Variants in CTNND2 observed in about 807,000 individuals in gnomAD.
CTNND2 encodes the protein catenin delta 2, also known as catenin delta-2.
In CTNND2, 22 loss-of-function variants were observed where a neutral mutation model predicts 144.4. That is an observed-to-expected ratio of 0.15 (90% CI 0.11 to 0.22). The LOEUF is 0.22. Ranked by LOEUF, CTNND2 falls within the 10% of genes least tolerant of loss-of-function variation. The probability of loss-of-function intolerance (pLI) is 1.00; values close to 1 mark genes in which losing one functional copy is unlikely to be tolerated. For synonymous variants in CTNND2, 751 were observed against 695.6 expected (o/e 1.08, Z -1.25); for missense variants, 1,353 against 1,618.8 (o/e 0.84, Z 2.82).
intron 9 of CTNND2, among the ~76,000 whole-genome samples, chr5:11,269,944 C>T (rs1321111783): frequency 1.3e-5 from 2 of 152,106 alleles, no homozygotes; most frequent in Non-Finnish European, 2.9e-5. Flanking sequence ...TATGTCAACC[C>T]TGGAAATATT....
chr5:11,387,583 C>A (rs1759219515), intron 6 of CTNND2, among the ~76,000 whole-genome samples: 1 of 152,128 alleles, frequency 6.6e-6, no homozygotes, highest in African/African-American at 2.4e-5. Flanking sequence ...ACACAGCTGG[C>A]AAGTGATGGA....
rs745810135 is a variant in CTNND2, at chr5:11,776,731, C to T, written c.38-44459G>A. 2.0e-5 allele frequency among the ~76,000 whole-genome samples: 3 copies of T among 151,860 alleles called. No individual in the cohort carries two copies. The South Asian group carries it at 6.3e-4, about 32-fold the overall frequency. On this transcript the variant is annotated intron_variant, in intron 1 of 21. Transcript: ENST00000304623. ...CGATGCTTTATCGCAGGTATACATC[C>T]CCAAGTTATTCATCTAGCAAATAAA...
In CTNND2 at chr5:11,397,328, T is replaced by A. The variant is rs1760239428; in HGVS notation, c.440-125A>T. On this transcript the variant is annotated intron_variant, in intron 5 of 21. Transcript: ENST00000304623. ...TGATTCCAGCCATCCATGCTTAAAA[T>A]TCTGAGAACTAAAATGACCATATAA... 6.8e-6 allele frequency: 5 copies of A among 732,958 alleles called. No homozygotes were observed. The East Asian group carries it at 1.2e-4, about 17-fold the overall frequency. The allele number at this position is 732,958 out of a possible 1,614,324, so 45.4% of individuals were successfully genotyped here. A position where few individuals can be genotyped will look rare whatever the true frequency, so the allele number is the denominator to read the frequency against.
At chr5:11,038,313 T>C (rs1744307003) in intron 16 of CTNND2, among the ~76,000 whole-genome samples, 1 of 152,110 alleles carries the variant, frequency 6.6e-6, no homozygotes. Context: ...TCGCCTTCTG[T>C]CAGATCAGTG....
At chr5:11,852,755 CA>C (rs1314412491) in intron 1 of CTNND2, among the ~76,000 whole-genome samples, 1 of 152,108 alleles carries the variant, frequency 6.6e-6, no homozygotes, top group African/African-American at 2.4e-5. Context: ...AATAGAGCAA[CA>C]AAATATATGT....
chr5:11,209,582 G>A (rs1472812773), intron 10 of CTNND2, among the ~76,000 whole-genome samples: 1 of 152,170 alleles, frequency 6.6e-6, no homozygotes, highest in African/African-American at 2.4e-5. Context: ...AATGAATGAG[G>A]AGTCCTGAAC....
chr5:11,683,852 A>G (rs1784527252), intron 2 of CTNND2, among the ~76,000 whole-genome samples: 1 of 152,214 alleles, frequency 6.6e-6, no homozygotes, highest in Admixed American at 6.5e-5. Context: ...TCTAGGTCAG[A>G]GCCCTGAGTC....
chr5:11,631,190 A>G (rs1402471072), intron 2 of CTNND2, among the ~76,000 whole-genome samples: 1 of 152,172 alleles, frequency 6.6e-6, no homozygotes. Context: ...TAGACATTTT[A>G]TAAGACTACT....
chr5:11,145,692 G>T (rs1243556068), intron 12 of CTNND2, among the ~76,000 whole-genome samples: 5 of 152,104 alleles, frequency 3.3e-5, no homozygotes, highest in Non-Finnish European at 7.4e-5. Context: ...CTGTGGGAAT[G>T]GCTGCATTTG....
intron 18 of CTNND2, among the ~76,000 whole-genome samples, chr5:10,999,946 G>A (rs927337488): frequency 2.0e-5 from 3 of 152,248 alleles, no homozygotes; most frequent in Middle Eastern, 3.4e-3. Context: ...ACAATCGGGC[G>A]ATGTTCATCC....
At chr5:11,828,271 T>C (rs573411724) in intron 1 of CTNND2, among the ~76,000 whole-genome samples, 2 of 152,154 alleles carry the variant, frequency 1.3e-5, no homozygotes, top group Non-Finnish European at 2.9e-5. Flanking sequence ...GGCTCATGCC[T>C]GTAATCCCAG....
intron 2 of CTNND2, among the ~76,000 whole-genome samples, chr5:11,699,064 T>C (rs1785282288): frequency 6.6e-6 from 1 of 151,590 alleles, no homozygotes; most frequent in South Asian, 2.1e-4. Flanking sequence ...CACACACACA[T>C]AGTTAGATTT....
chr5:11,718,630 A>C (rs949863614), intron 2 of CTNND2, among the ~76,000 whole-genome samples: 19 of 152,222 alleles, frequency 1.2e-4, no homozygotes, highest in African/African-American at 4.6e-4. Flanking sequence ...ACAAAAAAAA[A>C]AATAAGAAAA....
At chr5:11,799,318 G>T (rs894381497) in intron 1 of CTNND2, among the ~76,000 whole-genome samples, 5 of 151,996 alleles carry the variant, frequency 3.3e-5, no homozygotes, top group Admixed American at 6.6e-5. Context: ...TTTTAATCCT[G>T]TATTGTTTTA....
At chr5:10,977,842 C>A (rs1736688495) in intron 21 of CTNND2, among the ~76,000 whole-genome samples, 1 of 152,226 alleles carries the variant, frequency 6.6e-6, no homozygotes, top group Admixed American at 6.5e-5. Context: ...CTGATTGTTT[C>A]TTCTAGGAGG....
At chr5:11,186,260 C>T (rs576049001) in intron 11 of CTNND2, among the ~76,000 whole-genome samples, 2 of 152,278 alleles carry the variant, frequency 1.3e-5, no homozygotes, top group East Asian at 1.9e-4. Flanking sequence ...ACTCTCTGAT[C>T]GGTGTACAGA....
intron 11 of CTNND2, among the ~76,000 whole-genome samples, chr5:11,176,334 G>T (rs779174028): frequency 5.8e-5 from 7 of 120,806 alleles, no homozygotes; most frequent in Non-Finnish European, 1.2e-4. Context: ...TTCTGTCTTG[G>T]TGAGAGCAAG....
chr5:11,819,181 C>G (rs1793178298), intron 1 of CTNND2, among the ~76,000 whole-genome samples: 1 of 152,216 alleles, frequency 6.6e-6, no homozygotes, highest in Non-Finnish European at 1.5e-5. Context: ...ACACTGTAAT[C>G]CCAGCACTTT....
intron 3 of CTNND2, among the ~76,000 whole-genome samples, chr5:11,427,976 T>C (rs746674394): frequency 2.0e-5 from 3 of 152,126 alleles, no homozygotes; most frequent in Non-Finnish European, 4.4e-5. Context: ...AGGCACTTCT[T>C]ACATGGTGAC....
Sources: allele counts gnomAD v4.1 joint callset (sites outside exome capture counted in the v4.1 genomes callset), GRCh38; gene constraint gnomAD v4.1.1; transcripts MANE v1.5; gene names NCBI Gene and HGNC (gene_info 2026-07-23, HGNC 2026-07-21).